Variants in CADPS2 observed in about 807,000 individuals in gnomAD.
CADPS2 encodes calcium-dependent secretion activator 2.
A neutral mutation model predicts 172.5 loss-of-function variants in CADPS2; 93 were observed. That is an observed-to-expected ratio of 0.54 (90% CI 0.46 to 0.64). The LOEUF is 0.64. CADPS2 is among the 30% of genes least tolerant of loss of function. The pLI, the probability that CADPS2 is intolerant of heterozygous loss-of-function variation, is 0.00. For missense variants in CADPS2, 1,420 were observed against 1,565.9 expected (o/e 0.91, Z 1.57); for synonymous variants, 546 against 555.2 (o/e 0.98, Z 0.23).
At chr7:122,780,932 C>T (rs1261083577) in intron 1 of CADPS2, among the ~76,000 whole-genome samples, 5 of 152,156 alleles carry the variant, frequency 3.3e-5, no homozygotes, top group African/African-American at 9.6e-5. Context: ...TTTAAGGCTG[C>T]TTTTATTCTA....
intron 4 of CADPS2, among the ~76,000 whole-genome samples, chr7:122,625,280 C>T (rs2075980442): frequency 6.6e-6 from 1 of 152,162 alleles, no homozygotes; most frequent in African/African-American, 2.4e-5. Context: ...AAACTCCCGA[C>T]CTCAGGTAAT....
chr7:122,688,800 TGA>T (rs1236458559), intron 2 of CADPS2, among the ~76,000 whole-genome samples: 1 of 152,172 alleles, frequency 6.6e-6, no homozygotes, highest in Non-Finnish European at 1.5e-5. Flanking sequence ...CTAAACTCGC[TGA>T]GTCACTCAGC....
chr7:122,519,895 G>A (rs1268475141), intron 8 of CADPS2, among the ~76,000 whole-genome samples: 1 of 151,700 alleles, frequency 6.6e-6, no homozygotes, highest in African/African-American at 2.4e-5. Context: ...CAGTCCTTAA[G>A]CCAAAATAGT....
At chr7:122,459,937 C>T (rs1177862380) in intron 14 of CADPS2, among the ~76,000 whole-genome samples, 1 of 152,118 alleles carries the variant, frequency 6.6e-6, no homozygotes, top group African/African-American at 2.4e-5. Flanking sequence ...AAAGTATAAA[C>T]ATCTGATCTA....
At chr7:122,826,673 A>G (rs1353270458) in intron 1 of CADPS2, among the ~76,000 whole-genome samples, 1 of 152,198 alleles carries the variant, frequency 6.6e-6, no homozygotes, top group Non-Finnish European at 1.5e-5. Context: ...AATAATCAAA[A>G]TAAAAATGCA....
intron 14 of CADPS2, among the ~76,000 whole-genome samples, chr7:122,452,093 T>C (rs1255552070): frequency 6.6e-6 from 1 of 152,204 alleles, no homozygotes; most frequent in Non-Finnish European, 1.5e-5. Flanking sequence ...GTGAGTTTCA[T>C]CAGAATTTTA....
chr7:122,765,536 A>G (rs967036619), intron 1 of CADPS2, among the ~76,000 whole-genome samples: 1 of 152,158 alleles, frequency 6.6e-6, no homozygotes, highest in African/African-American at 2.4e-5. Flanking sequence ...AGATCCTCCT[A>G]CAGTACCTAC....
intron 20 of CADPS2, among the ~76,000 whole-genome samples, chr7:122,397,178 G>A (rs1288247942): frequency 6.6e-6 from 1 of 152,076 alleles, no homozygotes; most frequent in African/African-American, 2.4e-5. Flanking sequence ...TCTCTGGTCA[G>A]TTATGAATCT....
chr7:122,503,973 G>A (rs1286266366), intron 9 of CADPS2, among the ~76,000 whole-genome samples: 1 of 152,154 alleles, frequency 6.6e-6, no homozygotes, highest in Non-Finnish European at 1.5e-5. Flanking sequence ...TGGTCAGAAA[G>A]GCCTCTCTGA....
chr7:122,427,451 T>A (rs1049340171), intron 17 of CADPS2: 2 of 152,216 alleles, frequency 1.3e-5, no homozygotes, highest in Admixed American at 1.3e-4. Flanking sequence ...GAGTACTAAA[T>A]TTATAGTGGT....
chr7:122,655,965 T>C lies in CADPS2; in HGVS notation c.786+7272A>G, dbSNP rs967317262. Among the ~76,000 whole-genome samples, 17 of 152,156 alleles carry C rather than the reference T, an allele frequency of 1.1e-4. No individual in the cohort carries two copies. In the South Asian group the frequency reaches 1.7e-3, roughly 15 times the overall value. On this transcript the variant is annotated intron_variant, in intron 3 of 29. Transcript: ENST00000449022. ...AAAAAGTTGGGCAAGCTGCAAATCA[T>C]TGACTTTTCTTGGACTTCTCAGAGA...
intron 1 of CADPS2, among the ~76,000 whole-genome samples, chr7:122,801,350 C>T (rs1797607606): frequency 6.6e-6 from 1 of 151,950 alleles, no homozygotes; most frequent in African/African-American, 2.4e-5. Flanking sequence ...ATTAAAAAAA[C>T]TCCTAAAGAA....
intron 3 of CADPS2, among the ~76,000 whole-genome samples, chr7:122,633,840 T>C (rs1587996880): frequency 6.6e-6 from 1 of 152,164 alleles, no homozygotes; most frequent in Non-Finnish European, 1.5e-5. Context: ...TTGTCATAGA[T>C]GGCTCTTATT....
chr7:122,784,967 G>A (rs1028177381), intron 1 of CADPS2, among the ~76,000 whole-genome samples: 8 of 151,868 alleles, frequency 5.3e-5, no homozygotes, highest in African/African-American at 1.9e-4. Flanking sequence ...TCAGGTCCCT[G>A]GAATCAAATC....
chr7:122,770,358 C>G (rs1430910348), intron 1 of CADPS2, among the ~76,000 whole-genome samples: 2 of 152,060 alleles, frequency 1.3e-5, no homozygotes. Context: ...AAGAGATCCT[C>G]TAATTATTAT....
At chr7:122,704,098 GA>G (rs1414829953) in intron 2 of CADPS2, among the ~76,000 whole-genome samples, 1 of 152,046 alleles carries the variant, frequency 6.6e-6, no homozygotes, top group African/African-American at 2.4e-5. Flanking sequence ...GATAGAAAAA[GA>G]AAAGACCTTA....
chr7:122,551,220 C>T (rs756844491), intron 8 of CADPS2, among the ~76,000 whole-genome samples: 1 of 151,932 alleles, frequency 6.6e-6, no homozygotes, highest in African/African-American at 2.4e-5. Flanking sequence ...AAATTATGTT[C>T]TATTCTCAAT....
chr7:122,793,058 A>G (rs1037213940), intron 1 of CADPS2, among the ~76,000 whole-genome samples: 10 of 152,200 alleles, frequency 6.6e-5, no homozygotes, highest in African/African-American at 1.9e-4. Context: ...TCTAAAAGAA[A>G]CACTGATTTG....
chr7:122,355,187 A>G (rs1252943308), intron 27 of CADPS2, among the ~76,000 whole-genome samples: 1 of 152,244 alleles, frequency 6.6e-6, no homozygotes, highest in Non-Finnish European at 1.5e-5. Flanking sequence ...AATATCTGAC[A>G]AGTATGTTCT....
Sources: gnomAD v4.1 joint callset for allele counts (sites outside exome capture counted in the v4.1 genomes callset) on GRCh38, gnomAD v4.1.1 for gene constraint, MANE v1.5 for transcripts, NCBI Gene and HGNC (gene_info 2026-07-23, HGNC 2026-07-21) for gene names.